KIF1B: variants seen among roughly 807,000 people sequenced by gnomAD.
The protein encoded by KIF1B is kinesin-like protein KIF1B.
In KIF1B, 76 loss-of-function variants were observed where a neutral mutation model predicts 241.9. The observed-to-expected ratio is 0.31, with a 90% CI of 0.26 to 0.38. The LOEUF is 0.38. KIF1B is among the 10% of genes least tolerant of loss of function. KIF1B has a pLI of 1.00. For synonymous variants in KIF1B, 750 were observed against 796.7 expected (o/e 0.94, Z 0.99); for missense variants, 1,622 against 2,271.4 (o/e 0.71, Z 5.81).
chr1:10,236,132 C>T (rs547340252), intron 2 of KIF1B, among the ~76,000 whole-genome samples: 2 of 151,776 alleles, frequency 1.3e-5, no homozygotes. Context: ...ATTAGCCGGA[C>T]GTGGTGATGC....
chr1:10,357,004 C>T (rs902495971), intron 38 of KIF1B, among the ~76,000 whole-genome samples: 4 of 152,128 alleles, frequency 2.6e-5, no homozygotes, highest in African/African-American at 9.7e-5. Flanking sequence ...CTCAGCCTCC[C>T]GAATAGGTGG....
rs1025260668 is a variant in KIF1B at position 10,378,207 on chromosome 1, C to T, written c.*1620C>T. ...ACAAAACACAATATGCCTAGGGGCA[C>T]GGATGAACGTCCAGGGAGCCCGGGC... On this transcript the variant is annotated 3_prime_UTR_variant, in exon 49 of 49. Coordinates refer to ENST00000676179, the MANE Select transcript of KIF1B (RefSeq NM_001365951.3). The T allele has an allele frequency of 4.1e-5, 27 of 665,170 alleles. No individual in the cohort carries two copies. The highest frequency in any genetic ancestry group is 3.3e-4 in the African/African-American group (18 of 55,344). The allele number at this position is 665,170 out of a possible 1,614,324, so 41.2% of individuals were successfully genotyped here.
rs1638725914 is a variant in KIF1B at position 10,371,286 on chromosome 1, A to ACT, written c.4946+24_4946+25insCT. 13 of 1,613,844 alleles carry ACT rather than the reference A, an allele frequency of 8.1e-6. No homozygotes were observed. In the East Asian group the frequency reaches 2.5e-4, roughly 30 times the overall value. On this transcript the variant is annotated intron_variant, in intron 45 of 48. Transcript: ENST00000676179. ...AAGTAAGTACCCAGATTTCACTGAG[A>ACT]GAAGTCAATCTAAGAACCAAGGTAA...
At chr1:10,321,953 G>C (rs1169473710) in intron 24 of KIF1B, 96 bp downstream of exon 24, 2 of 1,356,160 alleles carry the variant, frequency 1.5e-6, no homozygotes, top group Non-Finnish European at 2.1e-6. Flanking sequence ...TCCTTTGGGG[G>C]AACTCAGCTG....
chr1:10,348,236 T>A (rs780729421), intron 36 of KIF1B, among the ~76,000 whole-genome samples: 2 of 152,130 alleles, frequency 1.3e-5, no homozygotes, highest in East Asian at 3.9e-4. Context: ...CCGCTTTTGG[T>A]AAATCAAAAG....
At chr1:10,304,427 C>G (rs757874588) in intron 22 of KIF1B, 1 of 1,613,666 alleles carries the variant, frequency 6.2e-7, no homozygotes, top group South Asian at 1.1e-5. Flanking sequence ...GGTCACCCCA[C>G]TGCTGATGTA....
chr1:10,217,343 C>CTTTCT (rs1646782454), intron 1 of KIF1B, among the ~76,000 whole-genome samples: 2 of 131,992 alleles, frequency 1.5e-5, no homozygotes. Flanking sequence ...CTTTCTTTTT[C>CTTTCT]TTTTTTTTTT....
At chr1:10,310,706 A>G (rs1012610476) in intron 22 of KIF1B, among the ~76,000 whole-genome samples, 3 of 151,562 alleles carry the variant, frequency 2.0e-5, no homozygotes, top group Non-Finnish European at 2.9e-5. Flanking sequence ...GATGAGTGGT[A>G]AGTGACAAAT....
chr1:10,223,541 G>GT (rs1423341392), intron 1 of KIF1B, among the ~76,000 whole-genome samples: 8 of 118,590 alleles, frequency 6.7e-5, no homozygotes, highest in African/African-American at 1.9e-4. Context: ...TTTTTGTTTT[G>GT]TTTTGTTTTT....
chr1:10,331,201 A>G (rs937296774), intron 27 of KIF1B, among the ~76,000 whole-genome samples: 2 of 152,328 alleles, frequency 1.3e-5, no homozygotes, highest in Middle Eastern at 3.4e-3. Flanking sequence ...CAGGCCTTGA[A>G]ATGGGCAAGT....
intron 2 of KIF1B, among the ~76,000 whole-genome samples, chr1:10,237,249 C>G (rs1035538587): frequency 6.6e-6 from 1 of 152,178 alleles, no homozygotes; most frequent in African/African-American, 2.4e-5. Flanking sequence ...GGTTCTCCCA[C>G]TTGAGAAGCA....
At chr1:10,347,854 T>C (rs1229692739) in intron 36 of KIF1B, 27 bp downstream of exon 36, 1 of 1,557,978 alleles carries the variant, frequency 6.4e-7, no homozygotes, top group East Asian at 2.2e-5. Context: ...AAAACAGGCA[T>C]CGGAGGGAAC....
At chr1:10,242,762 G>A (rs564916068) in intron 2 of KIF1B, among the ~76,000 whole-genome samples, 1 of 152,168 alleles carries the variant, frequency 6.6e-6, no homozygotes, top group East Asian at 1.9e-4. Context: ...TGATCTGCCC[G>A]CCTCAGCCTC....
chr1:10,359,516 GTTGTTTT>G (rs1638352787), intron 38 of KIF1B, among the ~76,000 whole-genome samples: 1 of 152,010 alleles, frequency 6.6e-6, no homozygotes. Context: ...TAGAGTTAAT[GTTGTTTT>G]ACCAGTAGAA....
At chr1:10,235,103 T>A (rs191845119) in intron 2 of KIF1B, among the ~76,000 whole-genome samples, 1 of 151,962 alleles carries the variant, frequency 6.6e-6, no homozygotes, top group Non-Finnish European at 1.5e-5. Flanking sequence ...TTGGCCAGGC[T>A]GGTCTTGAAC....
intron 22 of KIF1B, chr1:10,304,014 G>A (rs1026076139): frequency 1.3e-5 from 21 of 1,611,204 alleles, no homozygotes; most frequent in Non-Finnish European, 1.5e-5. Flanking sequence ...AGCTTCGTCG[G>A]CAGAATGTAC....
chr1:10,339,508 A>G (rs1652309278), intron 31 of KIF1B, among the ~76,000 whole-genome samples: 1 of 152,188 alleles, frequency 6.6e-6, no homozygotes, highest in South Asian at 2.1e-4. Context: ...GTACTTCTTC[A>G]CTCTCTCTAA....
chr1:10,327,014 T>C (rs1036197474), intron 27 of KIF1B, among the ~76,000 whole-genome samples: 5 of 152,184 alleles, frequency 3.3e-5, no homozygotes, highest in African/African-American at 1.2e-4. Flanking sequence ...GGGTTTATAA[T>C]GATAAAGCTC....
At chr1:10,335,949 C>T (rs1652156878) in intron 28 of KIF1B, among the ~76,000 whole-genome samples, 1 of 152,160 alleles carries the variant, frequency 6.6e-6, no homozygotes, top group African/African-American at 2.4e-5. Context: ...TTCCCAAATG[C>T]TGGGCTGTGT....
Sources: allele counts gnomAD v4.1 joint callset (sites outside exome capture counted in the v4.1 genomes callset), GRCh38; gene constraint gnomAD v4.1.1; transcripts MANE v1.5; gene names NCBI Gene and HGNC (gene_info 2026-07-23, HGNC 2026-07-21).